Variants in WDR70 observed in about 807,000 individuals in gnomAD.
The protein encoded by WDR70 is WD repeat-containing protein 70.
In WDR70, 53 loss-of-function variants were observed where a neutral mutation model predicts 88.6. That is an observed-to-expected ratio of 0.60 (90% CI 0.48 to 0.75). The LOEUF is 0.75. WDR70 is among the 30% of genes least tolerant of loss of function. The pLI is 0.00. For missense variants in WDR70, 610 were observed against 823.2 expected (o/e 0.74, Z 3.17); for synonymous variants, 280 against 270.0 (o/e 1.04, Z -0.36).
At chr5:37,420,340 C>G (rs762208771) in intron 5 of WDR70, among the ~76,000 whole-genome samples, 2 of 152,200 alleles carry the variant, frequency 1.3e-5, no homozygotes, top group African/African-American at 4.8e-5. Flanking sequence ...GTAGTAGTAA[C>G]ACAGTGTTTG....
At chr5:37,522,778 A>AC (rs531126157) in intron 9 of WDR70, among the ~76,000 whole-genome samples, 5 of 152,100 alleles carry the variant, frequency 3.3e-5, no homozygotes, top group Admixed American at 6.5e-5. Context: ...GGTCACTCCC[A>AC]CCCTAATACT....
chr5:37,488,801 G>A (rs11746259), intron 8 of WDR70, among the ~76,000 whole-genome samples: 90,767 of 151,790 alleles, frequency 0.6, 28,468 homozygotes, highest in Non-Finnish European at 0.69. Flanking sequence ...TTTTCTTTTC[G>A]CTGGAATCTG....
rs544415236 is a variant in WDR70 at position 37,405,763 on chromosome 5, G to A, written c.492+9193G>A. On this transcript the variant is annotated intron_variant, in intron 5 of 17. Transcript: ENST00000265107. ...TACCTCATCTCAAAAAGGATTTAAT[G>A]GACTGGTCGCAGTGGCTCATGCCTG... is the stretch of plus-strand genomic sequence containing the variant. Among the ~76,000 whole-genome samples, 19 of 152,200 alleles carry A rather than the reference G, an allele frequency of 1.2e-4. No individual in the cohort carries two copies. In the East Asian group the frequency reaches 3.7e-3, roughly 29 times the overall value.
chr5:37,585,858 G>T (rs916590088), intron 9 of WDR70, among the ~76,000 whole-genome samples: 1 of 152,068 alleles, frequency 6.6e-6, no homozygotes, highest in African/African-American at 2.4e-5. Context: ...ACAGAGTACT[G>T]TGCATAATCC....
At chr5:37,389,428 T>C (rs1357394169) in intron 3 of WDR70, among the ~76,000 whole-genome samples, 1 of 149,726 alleles carries the variant, frequency 6.7e-6, no homozygotes, top group Non-Finnish European at 1.5e-5. Flanking sequence ...TTATTTTTTT[T>C]GAGACGGAGT....
intron 9 of WDR70, among the ~76,000 whole-genome samples, chr5:37,600,256 A>G (rs7704853): frequency 0.46 from 70,555 of 152,004 alleles, 17,998 homozygotes; most frequent in Non-Finnish European, 0.58. Context: ...GGCTGGGTGC[A>G]GTGGCTCACT....
intron 5 of WDR70, among the ~76,000 whole-genome samples, chr5:37,413,285 A>G (rs1192891131): frequency 1.3e-5 from 2 of 152,216 alleles, no homozygotes; most frequent in Non-Finnish European, 2.9e-5. Context: ...AATCTTTTAT[A>G]AATAATGTCT....
chr5:37,727,807 C>A (rs1024736915), intron 17 of WDR70, among the ~76,000 whole-genome samples: 1 of 152,072 alleles, frequency 6.6e-6, no homozygotes, highest in Non-Finnish European at 1.5e-5. Flanking sequence ...AACTTCTGGT[C>A]TCAAGCAGTC....
chr5:37,679,822 G>A (rs1211113477), intron 10 of WDR70, among the ~76,000 whole-genome samples: 4 of 152,186 alleles, frequency 2.6e-5, no homozygotes, highest in African/African-American at 9.6e-5. Context: ...GTTTGTCTGT[G>A]CCCTGCCCCC....
At chr5:37,467,406 C>T (rs1739189078) in intron 7 of WDR70, among the ~76,000 whole-genome samples, 1 of 152,038 alleles carries the variant, frequency 6.6e-6, no homozygotes. Flanking sequence ...GCTCTAGTGT[C>T]TCTTCTTATA....
chr5:37,428,029 GTCTGGAAACCACA>G (rs1459354536), intron 5 of WDR70, among the ~76,000 whole-genome samples: 1 of 141,590 alleles, frequency 7.1e-6, no homozygotes, highest in Non-Finnish European at 1.5e-5. Flanking sequence ...TTTCCCTGCT[GTCTGGAAACCACA>G]GCAGCCTTTT....
intron 9 of WDR70, among the ~76,000 whole-genome samples, chr5:37,529,814 T>A (rs1741425497): frequency 6.6e-6 from 1 of 152,186 alleles, no homozygotes; most frequent in Non-Finnish European, 1.5e-5. Context: ...ATGCCTTGAT[T>A]TCTTTCTCTT....
rs1186955800 is a variant in WDR70 at position 37,702,835 on chromosome 5, C to T, written c.1278-114C>T. The T allele has an allele frequency of 8.6e-6, 9 of 1,046,122 alleles. No homozygotes were observed. The Middle Eastern group carries it at 1.5e-3, about 178-fold the overall frequency. 64.8% of individuals were successfully genotyped at this position (1,046,122 alleles called of 1,614,324 possible). A position where few individuals can be genotyped will look rare whatever the true frequency, so the allele number is the denominator to read the frequency against. ...AACAAATTAATATAAGTGCTTGACTCATAAGCCCTATATAGGAGTTACAGA... is the reference window on the plus strand; with the variant it reads ...AACAAATTAATATAAGTGCTTGACTTATAAGCCCTATATAGGAGTTACAGA... On this transcript the variant is annotated intron_variant, in intron 12 of 17. Coordinates refer to ENST00000265107, the MANE Select transcript of WDR70 (RefSeq NM_018034.4).
intron 7 of WDR70, among the ~76,000 whole-genome samples, chr5:37,467,126 T>C (rs59162747): frequency 0.86 from 130,315 of 150,820 alleles, 59,455 homozygotes; most frequent in East Asian, 1. Flanking sequence ...ACTTGGGAGG[T>C]TGAGGTGGGA....
At chr5:37,476,553 TTC>T (rs1280674809) in intron 7 of WDR70, among the ~76,000 whole-genome samples, 8 of 33,758 alleles carry the variant, frequency 2.4e-4, no homozygotes, top group East Asian at 0.02. Context: ...TTTTTTCTTC[TTC>T]TTTTTTTTTT....
intron 9 of WDR70, among the ~76,000 whole-genome samples, chr5:37,595,810 A>G (rs1743685554): frequency 6.6e-6 from 1 of 152,128 alleles, no homozygotes; most frequent in Non-Finnish European, 1.5e-5. Context: ...CTTTTCTTGA[A>G]TATAGAAGGA....
intron 9 of WDR70, among the ~76,000 whole-genome samples, chr5:37,568,028 T>G (rs1001687809): frequency 1.3e-5 from 2 of 152,228 alleles, no homozygotes; most frequent in African/African-American, 4.8e-5. Context: ...TTTTTGTAGT[T>G]GCTGAAAAAT....
intron 9 of WDR70, among the ~76,000 whole-genome samples, chr5:37,526,295 G>A (rs1741269545): frequency 6.6e-6 from 1 of 152,108 alleles, no homozygotes; most frequent in South Asian, 2.1e-4. Context: ...ATGATCAAGT[G>A]GGTTTCATCC....
chr5:37,433,535 T>C lies in WDR70; in HGVS notation c.493-4387T>C, dbSNP rs569428572. 9.8e-5 allele frequency among the ~76,000 whole-genome samples: 15 copies of C among 152,310 alleles called. No homozygotes were observed. In the South Asian group the frequency reaches 2.9e-3, roughly 29 times the overall value. ...TGCTGATCCCCAAATGCAAGGATGC[T>C]GAAGTCCCTTATATAAAAATGGCAT... On this transcript the variant is annotated intron_variant, in intron 5 of 17. Transcript: ENST00000265107.
Sources: gnomAD v4.1 joint callset for allele counts (sites outside exome capture counted in the v4.1 genomes callset) on GRCh38, gnomAD v4.1.1 for gene constraint, MANE v1.5 for transcripts, NCBI Gene and HGNC (gene_info 2026-07-23, HGNC 2026-07-21) for gene names.